Variants in TMEM50B observed in about 807,000 individuals in gnomAD.
The protein encoded by TMEM50B is HCV p7-trans-regulated protein 3.
Under a neutral mutation model 23.4 loss-of-function variants are expected in TMEM50B, and 14 were observed. The observed-to-expected ratio is 0.60, with a 90% CI of 0.39 to 0.93. The LOEUF (loss-of-function observed/expected upper bound fraction) is 0.93. Ranked by LOEUF, TMEM50B falls within the 40% of genes least tolerant of loss-of-function variation. The pLI, the probability that TMEM50B is intolerant of heterozygous loss-of-function variation, is 0.00. For missense variants in TMEM50B, 159 were observed against 193.0 expected (o/e 0.82, Z 1.04); for synonymous variants, 64 against 62.3 (o/e 1.03, Z -0.13).
At chr21:33,436,004 T>C (rs1257689112) in intron 8 of TMEM50B, among the ~76,000 whole-genome samples, 1 of 150,910 alleles carries the variant, frequency 6.6e-6, no homozygotes, top group African/African-American at 2.4e-5. Context: ...GAAGTTGCAG[T>C]GAGCCGAGAT....
intron 3 of TMEM50B, among the ~76,000 whole-genome samples, chr21:33,465,978 C>T (rs2084261063): frequency 6.6e-6 from 1 of 152,076 alleles, no homozygotes; most frequent in Non-Finnish European, 1.5e-5. Context: ...TTTAAAACTC[C>T]TGGCCAGGTG....
intron 5 of TMEM50B, 190 bp downstream of exon 5, chr21:33,460,223 T>C: frequency 2.0e-6 from 1 of 511,828 alleles, no homozygotes; most frequent in Non-Finnish European, 3.5e-6. Flanking sequence ...TTGGATTTCC[T>C]AACCAGGGCT....
downstream of TMEM50B, among the ~76,000 whole-genome samples, chr21:33,446,147 C>T (rs1178144211): frequency 6.6e-6 from 1 of 152,176 alleles, no homozygotes; most frequent in African/African-American, 2.4e-5. Context: ...ATTTTCCTCT[C>T]CTTTTGTTAA....
intron 1 of TMEM50B, chr21:33,478,815 C>G: frequency 2.1e-6 from 1 of 471,024 alleles, no homozygotes; most frequent in South Asian, 1.5e-5. Flanking sequence ...AGACAAGAAA[C>G]AAAATGATGA....
Position 33,450,801 on chromosome 21 carries a change from T to C in TMEM50B, c.*17A>G, listed in dbSNP as rs746629637. On this transcript the variant is annotated 3_prime_UTR_variant, in exon 7 of 7. Coordinates refer to ENST00000542230, the MANE Select transcript of TMEM50B (RefSeq NM_006134.7). ...AACAGAATATAACAAAAGGAAAATGTGACTTAAGAAGTGATCTCAGGTCCA... is the reference window on the plus strand; with the variant it reads ...AACAGAATATAACAAAAGGAAAATGCGACTTAAGAAGTGATCTCAGGTCCA... The C allele has an allele frequency of 3.1e-6, 5 of 1,605,970 alleles. No individual in the cohort carries two copies. The highest frequency in any genetic ancestry group is 4.3e-6 in the Non-Finnish European group (5 of 1,175,682).
At chr21:33,447,323 G>A (rs2084071003), downstream of TMEM50B, among the ~76,000 whole-genome samples, 1 of 115,232 alleles carries the variant, frequency 8.7e-6, no homozygotes, top group African/African-American at 3.8e-5. Flanking sequence ...AGAGCTGAGT[G>A]TGGTGGTGCA....
At chr21:33,457,298 T>C (rs76093021) in intron 5 of TMEM50B, among the ~76,000 whole-genome samples, 130 of 151,868 alleles carry the variant, frequency 8.6e-4, no homozygotes, top group Non-Finnish European at 1.3e-3. Flanking sequence ...GCTGTTGAAA[T>C]AGAAAGATGA....
At chr21:33,464,533 C>T (rs905827237) in intron 4 of TMEM50B, among the ~76,000 whole-genome samples, 57 of 143,910 alleles carry the variant, frequency 4.0e-4, no homozygotes, top group African/African-American at 1.3e-3. Flanking sequence ...GGGCCGGGCT[C>T]GGTGGCTCAC....
intron 1 of TMEM50B, among the ~76,000 whole-genome samples, chr21:33,476,240 C>T (rs916721850): frequency 2.0e-5 from 3 of 150,852 alleles, no homozygotes. Flanking sequence ...CAAAATTAGC[C>T]GAGGTGGTGG....
intron 6 of TMEM50B, among the ~76,000 whole-genome samples, chr21:33,454,280 A>G (rs2084149010): frequency 6.6e-6 from 1 of 152,052 alleles, no homozygotes. Flanking sequence ...TTTTGTATAT[A>G]ATATGCATAC....
intron 6 of TMEM50B, among the ~76,000 whole-genome samples, chr21:33,455,322 C>T (rs551119774): frequency 2.6e-5 from 4 of 152,068 alleles, no homozygotes; most frequent in Admixed American, 6.6e-5. Context: ...TCTTGAGTAG[C>T]TGGCACTGTA....
rs770074987 is a variant in TMEM50B at position 33,455,822 on chromosome 21, A to G, written c.374-38T>C. Reference sequence around the variant, plus strand: ...AGTAAAACAGATTAGACGGTTATATAGGCAAACGGCAGTAATAAAGTATCA... The same window carrying G: ...AGTAAAACAGATTAGACGGTTATATGGGCAAACGGCAGTAATAAAGTATCA... On this transcript the variant is annotated intron_variant, in intron 5 of 6. Transcript: ENST00000542230. 6.2e-6 allele frequency: 9 copies of G among 1,461,382 alleles called. No homozygotes were observed. The African/African-American group carries it at 1.1e-4, about 18-fold the overall frequency. The allele number at this position is 1,461,382 out of a possible 1,614,324, so 90.5% of individuals were successfully genotyped here.
intron 8 of TMEM50B, among the ~76,000 whole-genome samples, chr21:33,438,731 C>CTAACT (rs369164889): frequency 2.3e-3 from 338 of 147,884 alleles, no homozygotes; most frequent in Middle Eastern, 6.9e-3. Flanking sequence ...AAGAAAGTGG[C>CTAACT]TTTTTTTTTT....
chr21:33,432,615 G>A, exon 9 of TMEM50B: 2 of 1,351,368 alleles, frequency 1.5e-6, no homozygotes, highest in South Asian at 1.2e-5. Flanking sequence ...CATTTTACTA[G>A]GACAGGAATG....
At chr21:33,471,594 G>T (rs1408218558) in intron 1 of TMEM50B, among the ~76,000 whole-genome samples, 1 of 152,070 alleles carries the variant, frequency 6.6e-6, no homozygotes, top group Admixed American at 6.6e-5. Flanking sequence ...AGAATCAGGA[G>T]CCAATGTGAT....
chr21:33,447,959 A>G (rs1038795057), downstream of TMEM50B, among the ~76,000 whole-genome samples: 1 of 152,162 alleles, frequency 6.6e-6, no homozygotes, highest in Admixed American at 6.6e-5. Context: ...AATATTTCTA[A>G]GAGTGGATAC....
chr21:33,440,374 G>C (rs1488292481), intron 7 of TMEM50B, among the ~76,000 whole-genome samples: 1 of 152,032 alleles, frequency 6.6e-6, no homozygotes, highest in Admixed American at 6.6e-5. Flanking sequence ...GATCATTTGA[G>C]GCCAGGAGTT....
intron 8 of TMEM50B, among the ~76,000 whole-genome samples, chr21:33,433,545 A>T (rs917757123): frequency 1.3e-5 from 2 of 152,134 alleles, no homozygotes; most frequent in African/African-American, 4.8e-5. Flanking sequence ...CACTTAAATG[A>T]GGTCCCCAGA....
chr21:33,454,649 C>G (rs1261874630), intron 6 of TMEM50B, among the ~76,000 whole-genome samples: 1 of 151,950 alleles, frequency 6.6e-6, no homozygotes, highest in African/African-American at 2.4e-5. Context: ...CATAAAGGTA[C>G]TTTACCTGTT....
Sources: allele counts gnomAD v4.1 joint callset (sites outside exome capture counted in the v4.1 genomes callset), GRCh38; gene constraint gnomAD v4.1.1; transcripts MANE v1.5; gene names NCBI Gene and HGNC (gene_info 2026-07-23, HGNC 2026-07-21).